The following CATSPERE variants were observed in gnomAD, a reference collection of about 807,000 sequenced individuals.
CATSPERE encodes the protein catsper channel auxiliary subunit epsilon.
A neutral mutation model predicts 114.1 loss-of-function variants in CATSPERE; 93 were observed. The observed-to-expected ratio is 0.81, with a 90% CI of 0.69 to 0.97. CATSPERE has a LOEUF of 0.97. Ranked by LOEUF, CATSPERE falls within the 50% of genes least tolerant of loss-of-function variation. The pLI is 0.00. For synonymous variants in CATSPERE, 341 were observed against 384.1 expected, an observed-to-expected ratio of 0.89 and a Z score of 1.31; for missense variants, 1,058 against 1,131.6, an observed-to-expected ratio of 0.93 and a Z score of 0.93.
chr1:244,478,332 T>C (rs1049957790), intron 4 of CATSPERE, among the ~76,000 whole-genome samples: 8 of 152,238 alleles, frequency 5.3e-5, no homozygotes, highest in African/African-American at 1.9e-4. Context: ...CTAGCAGATT[T>C]ATTTTACTCC....
At chr1:244,600,529 A>G (rs1669060962) in intron 17 of CATSPERE, among the ~76,000 whole-genome samples, 1 of 152,288 alleles carries the variant, frequency 6.6e-6, no homozygotes, top group African/African-American at 2.4e-5. Flanking sequence ...CTGAACTTAT[A>G]CCTAATAGGA....
intron 18 of CATSPERE, among the ~76,000 whole-genome samples, chr1:244,609,113 G>A (rs1014039773): frequency 2.0e-5 from 3 of 151,978 alleles, no homozygotes; most frequent in Non-Finnish European, 2.9e-5. Context: ...TTGAACCCAA[G>A]AAGTGGAGGG....
At chr1:244,630,506 G>A (rs1382829725) in intron 20 of CATSPERE, among the ~76,000 whole-genome samples, 4 of 152,114 alleles carry the variant, frequency 2.6e-5, no homozygotes, top group Non-Finnish European at 4.4e-5. Flanking sequence ...ACTACATTGC[G>A]TGGGGGAGAT....
At chr1:244,464,768 C>G (rs1667330781) in intron 2 of CATSPERE, among the ~76,000 whole-genome samples, 1 of 152,012 alleles carries the variant, frequency 6.6e-6, no homozygotes, top group African/African-American at 2.4e-5. Context: ...TTGAGCATCT[C>G]TTCGCATATT....
At chr1:244,600,364 A>G (rs892285044) in intron 17 of CATSPERE, among the ~76,000 whole-genome samples, 11 of 116,906 alleles carry the variant, frequency 9.4e-5, no homozygotes, top group African/African-American at 3.0e-4. Flanking sequence ...GTCCAAAAAA[A>G]AAAAAAAAGA....
At chr1:244,523,574 A>T (rs1677987477) in intron 8 of CATSPERE, among the ~76,000 whole-genome samples, 1 of 141,720 alleles carries the variant, frequency 7.1e-6, no homozygotes, top group South Asian at 2.2e-4. Context: ...ACATGATTGT[A>T]TATCTAGAAA....
intron 13 of CATSPERE, among the ~76,000 whole-genome samples, chr1:244,584,726 G>A (rs1666775012): frequency 6.6e-6 from 1 of 152,026 alleles, no homozygotes; most frequent in Non-Finnish European, 1.5e-5. Context: ...ATAGGACCTG[G>A]CCCCTCCCAT....
intron 4 of CATSPERE, among the ~76,000 whole-genome samples, chr1:244,479,006 G>A (rs1296144318): frequency 7.4e-6 from 1 of 135,582 alleles, no homozygotes; most frequent in Non-Finnish European, 1.6e-5. Flanking sequence ...CCAGCCTGGG[G>A]GACAAGAGCC....
At position 244,581,782 on chromosome 1, in the gene CATSPERE, T is replaced by G. The variant is rs1666215974; in HGVS notation, c.1951-14T>G. Reference sequence around the variant, plus strand: ...TTCCCTGCTTTACATAAATTTTAAATTTTCTTTTTTCAGACACTAACATTT... The same window carrying G: ...TTCCCTGCTTTACATAAATTTTAAAGTTTCTTTTTTCAGACACTAACATTT... On this transcript the variant is annotated splice_polypyrimidine_tract_variant and intron_variant, in intron 11 of 21. Transcript: ENST00000366534. The G allele has an allele frequency of 8.2e-7, 1 of 1,224,134 alleles. No homozygotes were observed. Among genetic ancestry groups the G allele is most frequent in the Admixed American group, 2.1e-5 (1 of 48,324 alleles). 75.8% of individuals were successfully genotyped at this position (1,224,134 alleles called of 1,614,324 possible). A position where few individuals can be genotyped will look rare whatever the true frequency, so the allele number is the denominator to read the frequency against.
intron 20 of CATSPERE, among the ~76,000 whole-genome samples, chr1:244,627,587 T>G (rs1368325733): frequency 6.6e-6 from 1 of 151,422 alleles, no homozygotes; most frequent in Admixed American, 6.6e-5. Context: ...AAAAAAAAAT[T>G]GAAATACTGT....
chr1:244,594,940 A>C (rs1402896026), intron 17 of CATSPERE, among the ~76,000 whole-genome samples: 1 of 151,922 alleles, frequency 6.6e-6, no homozygotes, highest in East Asian at 1.9e-4. Context: ...TTGCTTTCTT[A>C]GTTTTGATCT....
intron 7 of CATSPERE, among the ~76,000 whole-genome samples, chr1:244,510,815 T>C (rs1266434011): frequency 2.0e-5 from 3 of 149,848 alleles, no homozygotes; most frequent in African/African-American, 7.4e-5. Flanking sequence ...TTTCTTTCTT[T>C]TTTTTTTCTT....
intron 8 of CATSPERE, among the ~76,000 whole-genome samples, chr1:244,537,922 T>C (rs866455492): frequency 6.6e-6 from 1 of 152,248 alleles, no homozygotes; most frequent in East Asian, 1.9e-4. Flanking sequence ...GCTGGATCTG[T>C]TAATTAATGA....
At position 244,633,837 on chromosome 1, in the gene CATSPERE, A is replaced by C. The variant is rs536692552; in HGVS notation, c.2649-1652A>C. ...CAAGCCTCTTTGCCGTGCTGTGAAAATTCCTGTGACAGGTGTCTACATCAC... is the reference window on the plus strand; with the variant it reads ...CAAGCCTCTTTGCCGTGCTGTGAAACTTCCTGTGACAGGTGTCTACATCAC... On this transcript the variant is annotated intron_variant, in intron 20 of 21. Transcript: ENST00000366534. The surrounding 1 kb of genome is among the most constrained non-coding windows in gnomAD (Gnocchi z 4.1). Among the ~76,000 whole-genome samples, 1 of 151,214 alleles carries C rather than the reference A, an allele frequency of 6.6e-6. No homozygotes were observed. The highest frequency in any genetic ancestry group is 1.5e-5 in the Non-Finnish European group (1 of 67,930).
chr1:244,621,214 T>TAA (rs56940000), intron 20 of CATSPERE, among the ~76,000 whole-genome samples: 769 of 20,818 alleles, frequency 0.037, 171 homozygotes, highest in African/African-American at 0.15. Flanking sequence ...TATATTTATA[T>TAA]ATATATTTAT....
At chr1:244,551,529 A>G (rs983646392) in intron 8 of CATSPERE, among the ~76,000 whole-genome samples, 1 of 152,176 alleles carries the variant, frequency 6.6e-6, no homozygotes, top group African/African-American at 2.4e-5. Flanking sequence ...TAAACAATAT[A>G]AACACTCTAT....
At position 244,590,424 on chromosome 1, in the gene CATSPERE, T is replaced by A. The variant is rs184437931; in HGVS notation, c.2139-1257T>A. Among the ~76,000 whole-genome samples, 399 of 152,300 alleles carry A rather than the reference T, an allele frequency of 2.6e-3. 6 individuals are homozygous for A. The highest frequency in any genetic ancestry group is 9.0e-4 in the Non-Finnish European group (61 of 68,012). On this transcript the variant is annotated intron_variant, in intron 14 of 21. Transcript: ENST00000366534. ...TGTGTGTTTTACCATGGCAGCTTTT[T>A]AAAAAGTGTGATGAAATTCACATAA...
intron 5 of CATSPERE, among the ~76,000 whole-genome samples, chr1:244,485,512 T>TA (rs939157196): frequency 2.6e-5 from 4 of 151,366 alleles, no homozygotes; most frequent in African/African-American, 9.7e-5. Context: ...TCCCTTATTC[T>TA]TTTTTTTTCT....
intron 8 of CATSPERE, among the ~76,000 whole-genome samples, chr1:244,522,192 C>T (rs924630494): frequency 6.6e-6 from 1 of 152,042 alleles, no homozygotes; most frequent in African/African-American, 2.4e-5. Context: ...CACTCAAAAC[C>T]GCTCAACTAC....
Sources: gnomAD v4.1 joint callset for allele counts (sites outside exome capture counted in the v4.1 genomes callset) on GRCh38, gnomAD v4.1.1 for gene constraint, Gnocchi (gnomAD v3.1) non-coding constraint, MANE v1.5 for transcripts, NCBI Gene and HGNC (gene_info 2026-07-23, HGNC 2026-07-21) for gene names.